The following DNAH8 variants were observed in gnomAD, a reference collection of about 807,000 sequenced individuals.
DNAH8 encodes dynein axonemal heavy chain 8.
Under a neutral mutation model 562.1 loss-of-function variants are expected in DNAH8, and 382 were observed. The ratio of observed to expected loss-of-function variants is 0.68; its 90% CI spans 0.63 to 0.74. The LOEUF (loss-of-function observed/expected upper bound fraction) is 0.74, where lower values mean the gene tolerates loss of function less well. Among genes scored for constraint, DNAH8 ranks in the 30% least tolerant of loss-of-function variants. The pLI, the probability that DNAH8 is intolerant of heterozygous loss-of-function variation, is 0.00. For missense variants in DNAH8, 5,203 were observed against 5,620.4 expected (o/e 0.93, Z 2.37); for synonymous variants, 1,881 against 1,919.4 (o/e 0.98, Z 0.52).
At position 38,818,853 on chromosome 6, in the gene DNAH8, G is replaced by A. The variant is rs554179166; in HGVS notation, c.3523+3196G>A. On this transcript the variant is annotated intron_variant, in intron 26 of 92. Transcript: ENST00000327475. Reference sequence around the variant, plus strand: ...TGTTGCTCTACACTCATTGCTCTGGGTCAGCTGAGGAAACTTATTCATTCC... The same window carrying A: ...TGTTGCTCTACACTCATTGCTCTGGATCAGCTGAGGAAACTTATTCATTCC... 2.6e-5 allele frequency among the ~76,000 whole-genome samples: 4 copies of A among 152,312 alleles called. No homozygotes were observed. The East Asian group carries it at 7.7e-4, about 29-fold the overall frequency.
rs768629265 is a variant in DNAH8, at chr6:39,003,423, G to T, written c.13215-5391G>T. 4.1e-4 allele frequency among the ~76,000 whole-genome samples: 62 copies of T among 152,250 alleles called. 1 individual carries two copies. Among genetic ancestry groups the T allele is most frequent in the Middle Eastern group, 6.8e-3 (2 of 294 alleles). On this transcript the variant is annotated intron_variant, in intron 88 of 92. Coordinates refer to ENST00000327475, the MANE Select transcript of DNAH8 (RefSeq NM_001206927.2). Reference sequence around the variant, plus strand: ...TTTCTCTGTTTTTCAAACTGAAAATGATTTTTAATATTCTTTATTCTAAAA... The same window carrying T: ...TTTCTCTGTTTTTCAAACTGAAAATTATTTTTAATATTCTTTATTCTAAAA...
intron 4 of DNAH8, among the ~76,000 whole-genome samples, chr6:38,734,044 G>A (rs1429928183): frequency 6.6e-6 from 1 of 152,008 alleles, no homozygotes; most frequent in African/African-American, 2.4e-5. Flanking sequence ...AGCACTTTGG[G>A]AGGCTGAGGT....
chr6:38,927,857 GA>G (rs1237227126), intron 74 of DNAH8, among the ~76,000 whole-genome samples: 2 of 152,156 alleles, frequency 1.3e-5, no homozygotes, highest in Non-Finnish European at 2.9e-5. Flanking sequence ...GGAAGGAATA[GA>G]AATATGCCCG....
At chr6:38,955,620 G>C (rs1216512922) in intron 82 of DNAH8, among the ~76,000 whole-genome samples, 3 of 152,082 alleles carry the variant, frequency 2.0e-5, no homozygotes, top group Non-Finnish European at 4.4e-5. Context: ...GACAGAGTGA[G>C]ACTCCATCTC....
At chr6:38,816,860 A>G (rs1772329354) in intron 26 of DNAH8, among the ~76,000 whole-genome samples, 1 of 151,886 alleles carries the variant, frequency 6.6e-6, no homozygotes, top group Non-Finnish European at 1.5e-5. Context: ...TTTTTTATAT[A>G]TGTTTTTTGG....
intron 87 of DNAH8, among the ~76,000 whole-genome samples, chr6:38,987,053 C>T (rs1342456516): frequency 6.6e-6 from 1 of 152,204 alleles, no homozygotes; most frequent in Non-Finnish European, 1.5e-5. Context: ...TGCATGAATG[C>T]AGGTGAACAA....
At chr6:38,797,894 T>C (rs1456596370) in intron 21 of DNAH8, among the ~76,000 whole-genome samples, 1 of 152,048 alleles carries the variant, frequency 6.6e-6, no homozygotes, top group Non-Finnish European at 1.5e-5. Flanking sequence ...TTAGTCGGTG[T>C]CTCCATCACT....
chr6:38,753,893 T>C (rs1765687395), intron 9 of DNAH8, among the ~76,000 whole-genome samples: 1 of 152,206 alleles, frequency 6.6e-6, no homozygotes, highest in African/African-American at 2.4e-5. Flanking sequence ...GAAGTACTAA[T>C]AGCATTGAGT....
chr6:38,858,845 C>T (rs1483170717), intron 42 of DNAH8, among the ~76,000 whole-genome samples: 1 of 152,176 alleles, frequency 6.6e-6, no homozygotes, highest in Admixed American at 6.5e-5. Flanking sequence ...GTATGGAGTT[C>T]ATTATTGTAT....
At chr6:38,864,811 A>G (rs1290221965) in intron 45 of DNAH8, among the ~76,000 whole-genome samples, 1 of 152,210 alleles carries the variant, frequency 6.6e-6, no homozygotes, top group East Asian at 1.9e-4. Flanking sequence ...TGGATATTAT[A>G]TAGCTGACTT....
intron 11 of DNAH8, among the ~76,000 whole-genome samples, chr6:38,767,435 C>A (rs1452576479): frequency 1.2e-5 from 1 of 84,656 alleles, no homozygotes; most frequent in Non-Finnish European, 2.6e-5. Context: ...AAAACTCCAT[C>A]TCAGGAAAAA....
intron 11 of DNAH8, among the ~76,000 whole-genome samples, chr6:38,762,073 T>C (rs1041041411): frequency 6.6e-6 from 1 of 152,198 alleles, no homozygotes; most frequent in Admixed American, 6.5e-5. Flanking sequence ...CATTCCAGCC[T>C]GTTACAATTA....
intron 30 of DNAH8, among the ~76,000 whole-genome samples, chr6:38,828,916 C>T (rs1773596559): frequency 6.6e-6 from 1 of 152,188 alleles, no homozygotes; most frequent in Non-Finnish European, 1.5e-5. Context: ...GCCCTGGCAA[C>T]CACTAATCTA....
At chr6:38,877,563 T>C (rs1356062522) in intron 53 of DNAH8, among the ~76,000 whole-genome samples, 1 of 152,204 alleles carries the variant, frequency 6.6e-6, no homozygotes. Flanking sequence ...GAAATTTATT[T>C]GCCCGAGCCT....
intron 88 of DNAH8, among the ~76,000 whole-genome samples, chr6:38,994,457 A>T (rs1453954332): frequency 6.6e-6 from 1 of 150,378 alleles, no homozygotes; most frequent in Non-Finnish European, 1.5e-5. Context: ...TAGTAATAGT[A>T]AGAAAGCTTC....
At chr6:39,018,976 T>A (rs1766732357) in intron 91 of DNAH8, among the ~76,000 whole-genome samples, 1 of 152,198 alleles carries the variant, frequency 6.6e-6, no homozygotes. Context: ...ATAACATGGA[T>A]AATTCTCTCA....
Position 38,778,322 on chromosome 6 carries a change from C to T in DNAH8, c.1963-66C>T, listed in dbSNP as rs1033525. ...CTTAATTCTGTAGGAAAAGCATTAA[C>T]TGTTGTTAAACAAAACCAATCTCTT... is the stretch of plus-strand genomic sequence containing the variant. On this transcript the variant is annotated intron_variant, in intron 13 of 92. Transcript: ENST00000327475. 430,407 of 824,222 alleles carry T rather than the reference C, an allele frequency of 0.52. 114,773 individuals carry two copies. Among genetic ancestry groups the T allele is most frequent in the East Asian group, 0.8 (29,300 of 36,428 alleles). 51.1% of individuals were successfully genotyped at this position (824,222 alleles called of 1,614,324 possible). A position where few individuals can be genotyped will look rare whatever the true frequency, so the allele number is the denominator to read the frequency against.
chr6:38,827,264 C>A (rs1773413982), intron 29 of DNAH8, among the ~76,000 whole-genome samples: 1 of 152,202 alleles, frequency 6.6e-6, no homozygotes, highest in African/African-American at 2.4e-5. Flanking sequence ...AGCTCCTTAA[C>A]ATAATCATAT....
chr6:38,941,452 G>A (rs956170567), intron 79 of DNAH8, among the ~76,000 whole-genome samples: 1 of 152,148 alleles, frequency 6.6e-6, no homozygotes, highest in Non-Finnish European at 1.5e-5. Context: ...ATGAACACAG[G>A]TTTTATTTCT....
Sources: gnomAD v4.1 joint callset for allele counts (sites outside exome capture counted in the v4.1 genomes callset) on GRCh38, gnomAD v4.1.1 for gene constraint, MANE v1.5 for transcripts, NCBI Gene and HGNC (gene_info 2026-07-23, HGNC 2026-07-21) for gene names.